SEMA6A: variants seen among roughly 807,000 people sequenced by gnomAD.
The protein encoded by SEMA6A is semaphorin-6A.
In SEMA6A, 25 loss-of-function variants were observed where a neutral mutation model predicts 96.8. The ratio of observed to expected loss-of-function variants is 0.26; its 90% CI spans 0.19 to 0.36. The LOEUF (loss-of-function observed/expected upper bound fraction) is 0.36. SEMA6A is among the 10% of genes least tolerant of loss of function. SEMA6A has a pLI of 1.00. For synonymous variants in SEMA6A, 612 were observed against 518.0 expected, an observed-to-expected ratio of 1.18 and a Z score of -2.46; for missense variants, 1,363 against 1,323.1, an observed-to-expected ratio of 1.03 and a Z score of -0.47.
At chr5:116,524,967 A>T (rs1390323558) in intron 1 of SEMA6A, among the ~76,000 whole-genome samples, 2 of 152,110 alleles carry the variant, frequency 1.3e-5, no homozygotes, top group Non-Finnish European at 2.9e-5. Flanking sequence ...CATTTTTCTT[A>T]TCTTGTTTTT....
chr5:116,545,735 C>T (rs2112873090), intron 1 of SEMA6A, among the ~76,000 whole-genome samples: 1 of 152,342 alleles, frequency 6.6e-6, no homozygotes, highest in South Asian at 2.1e-4. Flanking sequence ...ATTTCTAATA[C>T]CACCTAGTGG....
intron 18 of SEMA6A, among the ~76,000 whole-genome samples, chr5:116,462,953 A>C (rs1027703188): frequency 2.6e-5 from 4 of 152,198 alleles, no homozygotes; most frequent in Admixed American, 2.6e-4. Flanking sequence ...ATTACCTTTA[A>C]AATGTATTTC....
intron 1 of SEMA6A, among the ~76,000 whole-genome samples, chr5:116,519,759 G>A (rs907287930): frequency 1.3e-5 from 2 of 152,084 alleles, no homozygotes; most frequent in Admixed American, 6.6e-5. Flanking sequence ...AGGACCAAGA[G>A]ACGTAATATC....
chr5:116,529,130 G>C (rs1337731400), intron 1 of SEMA6A, among the ~76,000 whole-genome samples: 3 of 152,134 alleles, frequency 2.0e-5, no homozygotes, highest in African/African-American at 4.8e-5. Flanking sequence ...TGTGAATAAA[G>C]AGTCTGTTTA....
Position 116,467,612 on chromosome 5 carries a change from A to G in SEMA6A, c.1865T>C (p.Val622Ala), listed in dbSNP as rs115147784. The G allele has an allele frequency of 4.2e-5, 68 of 1,613,162 alleles. No individual in the cohort carries two copies. The highest frequency in any genetic ancestry group is 5.3e-5 in the Non-Finnish European group (62 of 1,179,662). ...CTTGTCTTGGTGATTATGGGAAGAC[A>G]CTGCCCCCAAAGGGTCTGTGCTGTC... ...SPDSTDPLGA[V>A]SSHNHQDKKG... Residue 622 changes from valine to alanine, a missense_variant, in exon 18 of 19, where the codon GTG (valine) becomes GCG (alanine). This residue lies in a region of SEMA6A where 883 missense variants were observed against 763.6 expected (regional missense o/e 1.16). Coordinates refer to ENST00000343348, the MANE Select transcript of SEMA6A (RefSeq NM_020796.5).
chr5:116,522,052 T>A (rs967117246), intron 1 of SEMA6A, among the ~76,000 whole-genome samples: 5 of 152,210 alleles, frequency 3.3e-5, no homozygotes, highest in African/African-American at 1.2e-4. Flanking sequence ...AGGGGGCTGT[T>A]TTTTGTTAAT....
In SEMA6A at chr5:116,562,554, G is replaced by C. The variant is rs115619618; in HGVS notation, c.-39+11631C>G. 8.6e-6 allele frequency: 5 copies of C among 578,942 alleles called. No homozygotes were observed. The African/African-American group carries it at 9.4e-5, about 11-fold the overall frequency. The allele number at this position is 578,942 out of a possible 1,614,324, so 35.9% of individuals were successfully genotyped here. ...TTCCGGTGTGGAGTCTGGAGACAACGTGCAGAAATGGCACCTCGAAAGGGG... is the reference window on the plus strand; with the variant it reads ...TTCCGGTGTGGAGTCTGGAGACAACCTGCAGAAATGGCACCTCGAAAGGGG... On this transcript the variant is annotated intron_variant, in intron 1 of 18. Transcript: ENST00000343348.
intron 11 of SEMA6A, among the ~76,000 whole-genome samples, chr5:116,480,835 A>T (rs1561485883): frequency 6.6e-6 from 1 of 152,148 alleles, no homozygotes; most frequent in Non-Finnish European, 1.5e-5. Context: ...TGATTTTGGC[A>T]GGTATGAAAA....
intron 17 of SEMA6A, chr5:116,469,215 G>A (rs1265040300): frequency 6.6e-6 from 1 of 152,120 alleles, no homozygotes; most frequent in Non-Finnish European, 1.5e-5. Context: ...ACACAAGTGG[G>A]AAACATTCAA....
intron 7 of SEMA6A, 51 bp from the exon 8 acceptor site, chr5:116,489,058 G>T (rs994949331): frequency 1.3e-6 from 2 of 1,508,800 alleles, no homozygotes; most frequent in Non-Finnish European, 1.8e-6. Flanking sequence ...GTCAGTGGGG[G>T]TGGAGGAATA....
chr5:116,573,889 G>A (rs531784827), intron 1 of SEMA6A, among the ~76,000 whole-genome samples: 3 of 152,136 alleles, frequency 2.0e-5, no homozygotes, highest in East Asian at 1.9e-4. Flanking sequence ...CCCCCAGGAG[G>A]AACAGCCATA....
chr5:116,550,843 C>G (rs1451888129), intron 1 of SEMA6A, among the ~76,000 whole-genome samples: 1 of 152,128 alleles, frequency 6.6e-6, no homozygotes, highest in Non-Finnish European at 1.5e-5. Context: ...TCACAATCAC[C>G]TGATGGGCAT....
chr5:116,497,068 TAAAAG>T (rs1412874490), intron 4 of SEMA6A, among the ~76,000 whole-genome samples: 2 of 152,234 alleles, frequency 1.3e-5, no homozygotes, highest in African/African-American at 4.8e-5. Flanking sequence ...AATATTTTTA[TAAAAG>T]AAATGTAGAA....
intron 1 of SEMA6A, among the ~76,000 whole-genome samples, chr5:116,572,448 G>T (rs1390607242): frequency 6.6e-6 from 1 of 152,210 alleles, no homozygotes; most frequent in African/African-American, 2.4e-5. Flanking sequence ...TGCTTGCCCC[G>T]GCTGTGAAGA....
At position 116,447,931 on chromosome 5, in the gene SEMA6A, C is replaced by G. The variant is rs1280668907; in HGVS notation, c.1895-120G>C. On this transcript the variant is annotated intron_variant, in intron 18 of 18. Transcript: ENST00000343348. ...AAGTGACAACAGCACCTCTGCACAA[C>G]TTGTCTTCCAAGCTCAGCTTGCCAA... The G allele has an allele frequency of 6.2e-6, 5 of 809,998 alleles. No homozygotes were observed. The African/African-American group carries it at 8.7e-5, about 14-fold the overall frequency. 50.2% of individuals were successfully genotyped at this position (809,998 alleles called of 1,614,324 possible).
chr5:116,472,289 T>C (rs1756194096), intron 17 of SEMA6A: 1 of 152,250 alleles, frequency 6.6e-6, no homozygotes, highest in Non-Finnish European at 1.5e-5. Flanking sequence ...ATGAGATAAA[T>C]CCTGTTTGCA....
chr5:116,456,674 C>CAGAT (rs1301743782), intron 18 of SEMA6A, among the ~76,000 whole-genome samples: 4 of 152,172 alleles, frequency 2.6e-5, no homozygotes, highest in Non-Finnish European at 5.9e-5. Context: ...CTGTGGCCGT[C>CAGAT]AGATAGTGGT....
intron 1 of SEMA6A, among the ~76,000 whole-genome samples, chr5:116,566,366 T>C (rs1442300343): frequency 6.6e-6 from 1 of 152,228 alleles, no homozygotes; most frequent in Non-Finnish European, 1.5e-5. Flanking sequence ...CCTAGGAATA[T>C]TAAAAGAAAG....
intron 1 of SEMA6A, among the ~76,000 whole-genome samples, chr5:116,521,011 G>A (rs1279948676): frequency 1.3e-5 from 2 of 152,186 alleles, no homozygotes; most frequent in Non-Finnish European, 2.9e-5. Flanking sequence ...CTCAGGCTTT[G>A]GCCAATCCTC....
Sources: allele counts gnomAD v4.1 joint callset (sites outside exome capture counted in the v4.1 genomes callset), GRCh38; gene constraint gnomAD v4.1.1; regional missense constraint gnomAD v4.1.1; transcripts MANE v1.5; gene names NCBI Gene and HGNC (gene_info 2026-07-23, HGNC 2026-07-21).